Variants in MDFIC2 observed in about 807,000 individuals in gnomAD.
The protein encoded by MDFIC2 is myoD family inhibitor domain-containing protein 2.
At chr3:70,237,959 A>G (rs1701627009) in intron 2 of MDFIC2, among the ~76,000 whole-genome samples, 1 of 133,146 alleles carries the variant, frequency 7.5e-6, no homozygotes, top group African/African-American at 3.0e-5. Context: ...AGAAGGGAAA[A>G]GAAACTAATT....
At chr3:70,227,741 A>G (rs1051019484) in intron 2 of MDFIC2, among the ~76,000 whole-genome samples, 8 of 152,176 alleles carry the variant, frequency 5.3e-5, no homozygotes. Flanking sequence ...AATTCTCCCA[A>G]TAACTCCGTG....
chr3:70,297,365 A>G (rs1702301031), intron 2 of MDFIC2, among the ~76,000 whole-genome samples: 1 of 152,116 alleles, frequency 6.6e-6, no homozygotes, highest in South Asian at 2.1e-4. Flanking sequence ...AAAGAACTGG[A>G]TATCTTGGTG....
At chr3:70,285,040 A>AT (rs1159319520) in intron 2 of MDFIC2, among the ~76,000 whole-genome samples, 87 of 147,442 alleles carry the variant, frequency 5.9e-4, no homozygotes, top group African/African-American at 1.7e-3. Flanking sequence ...TTTTTTACTT[A>AT]TTTTTTTTTA....
At chr3:70,309,381 G>T (rs1040082591) in intron 2 of MDFIC2, among the ~76,000 whole-genome samples, 6 of 152,106 alleles carry the variant, frequency 3.9e-5, no homozygotes, top group African/African-American at 1.4e-4. Flanking sequence ...ATGGTTCAAA[G>T]TGTGAACTAA....
At chr3:70,288,031 T>G (rs1396231051) in intron 2 of MDFIC2, among the ~76,000 whole-genome samples, 13 of 151,942 alleles carry the variant, frequency 8.6e-5, no homozygotes, top group African/African-American at 3.1e-4. Flanking sequence ...ATTAATTTTT[T>G]GAAGGGTTTT....
chr3:70,292,482 T>G (rs1294334393), intron 2 of MDFIC2, among the ~76,000 whole-genome samples: 1 of 152,108 alleles, frequency 6.6e-6, no homozygotes, highest in African/African-American at 2.4e-5. Flanking sequence ...GAAACAATCG[T>G]AAAGATGAAG....
At chr3:70,254,431 A>T (rs1194234899) in intron 2 of MDFIC2, among the ~76,000 whole-genome samples, 1 of 152,188 alleles carries the variant, frequency 6.6e-6, no homozygotes, top group Non-Finnish European at 1.5e-5. Context: ...CTGAAATAAC[A>T]TGATCCATTT....
At chr3:70,210,720 T>C (rs1701334911) in intron 2 of MDFIC2, among the ~76,000 whole-genome samples, 2 of 152,086 alleles carry the variant, frequency 1.3e-5, no homozygotes, top group South Asian at 4.1e-4. Context: ...GAAAATAATT[T>C]TTACCAATAG....
intron 2 of MDFIC2, among the ~76,000 whole-genome samples, chr3:70,239,027 A>C (rs1701639432): frequency 6.6e-6 from 1 of 152,194 alleles, no homozygotes. Flanking sequence ...TATGCCAAAA[A>C]TGATCTACAA....
intron 2 of MDFIC2, among the ~76,000 whole-genome samples, chr3:70,266,524 G>C (rs73102610): frequency 0.064 from 9,724 of 152,098 alleles, 363 homozygotes; most frequent in South Asian, 0.12. Flanking sequence ...AGGCTCAAGT[G>C]ATCCAGAGTC....
At chr3:70,234,149 C>T (rs554123866) in intron 2 of MDFIC2, among the ~76,000 whole-genome samples, 1 of 152,242 alleles carries the variant, frequency 6.6e-6, no homozygotes, top group African/African-American at 2.4e-5. Flanking sequence ...GGGATGTGGA[C>T]AACTACTTAC....
At position 70,255,076 on chromosome 3, in the gene MDFIC2, A is replaced by C. The variant is rs377590457; in HGVS notation, c.89-48286T>G. Among the ~76,000 whole-genome samples the C allele has an allele frequency of 7.9e-5, 12 of 152,352 alleles. No homozygotes were observed. The East Asian group carries it at 2.1e-3, about 27-fold the overall frequency. On this transcript the variant is annotated intron_variant, in intron 2 of 3. Transcript: ENST00000567252. ...GCTTGAGAAAGAGAGAAACGCAGGT[A>C]AAACCTGTGGAACAATTGAAAGTTC...
chr3:70,264,011 G>C (rs1364246224), intron 2 of MDFIC2, among the ~76,000 whole-genome samples: 2 of 152,190 alleles, frequency 1.3e-5, no homozygotes, highest in African/African-American at 2.4e-5. Flanking sequence ...ACTGGAAGCA[G>C]TTAACTTTAC....
chr3:70,311,248 T>A (rs751190090), intron 2 of MDFIC2, among the ~76,000 whole-genome samples: 1 of 152,178 alleles, frequency 6.6e-6, no homozygotes, highest in East Asian at 1.9e-4. Context: ...TGTTACCTTT[T>A]TGACATATTA....
chr3:70,246,007 A>G (rs528793499), intron 2 of MDFIC2, among the ~76,000 whole-genome samples: 2 of 151,730 alleles, frequency 1.3e-5, no homozygotes, highest in African/African-American at 4.8e-5. Context: ...CATTTATATA[A>G]CAATAACTTG....
chr3:70,280,145 C>T (rs1371180138), intron 2 of MDFIC2, among the ~76,000 whole-genome samples: 1 of 152,106 alleles, frequency 6.6e-6, no homozygotes, highest in African/African-American at 2.4e-5. Flanking sequence ...CCTGCATTTC[C>T]TGACCTGTGA....
Position 70,228,078 on chromosome 3 carries a change from G to A in MDFIC2, c.89-21288C>T, listed in dbSNP as rs1253264387. 5.3e-5 allele frequency among the ~76,000 whole-genome samples: 8 copies of A among 151,702 alleles called. No individual in the cohort carries two copies. The South Asian group carries it at 1.7e-3, about 31-fold the overall frequency. On this transcript the variant is annotated intron_variant, in intron 2 of 3. Coordinates refer to ENST00000567252, the MANE Select transcript of MDFIC2 (RefSeq NM_001364677.1). ...ATCTTAATGATATCAGATTGAATAG[G>A]TCACTACTACTGTTAAAATAACATG... is the stretch of plus-strand genomic sequence containing the variant.
intron 2 of MDFIC2, among the ~76,000 whole-genome samples, chr3:70,245,805 C>T (rs1701702580): frequency 6.7e-6 from 1 of 149,138 alleles, no homozygotes; most frequent in Admixed American, 6.8e-5. Context: ...AAAATGTGCT[C>T]TTCCTGTCAC....
At chr3:70,250,445 A>G (rs186397342) in intron 2 of MDFIC2, among the ~76,000 whole-genome samples, 2,714 of 150,802 alleles carry the variant, frequency 0.018, 28 homozygotes, top group South Asian at 0.063. Context: ...ACACACACAC[A>G]CACACAAACA....
Sources: allele counts gnomAD v4.1 joint callset (sites outside exome capture counted in the v4.1 genomes callset), GRCh38; gene constraint gnomAD v4.1.1; transcripts MANE v1.5; gene names NCBI Gene and HGNC (gene_info 2026-07-23, HGNC 2026-07-21).